Variants in SYT6 observed in about 807,000 individuals in gnomAD.
SYT6 encodes synaptotagmin-6.
A neutral mutation model predicts 38.4 loss-of-function variants in SYT6; 24 were observed. That is an observed-to-expected ratio of 0.62 (90% confidence interval 0.45 to 0.88). The LOEUF (loss-of-function observed/expected upper bound fraction) is 0.88. Among genes scored for constraint, SYT6 ranks in the 40% least tolerant of loss-of-function variants. The pLI is 0.00. For synonymous variants in SYT6, 265 were observed against 241.9 expected (o/e 1.10, Z -0.89); for missense variants, 611 against 621.0 (o/e 0.98, Z 0.17).
rs1371995465 is a variant in SYT6, at chr1:114,089,654, G to A, written c.*2480C>T. ...GGGAAGAGATACTGGGCTAGATAAT[G>A]AAGTTGGCAGATGTTCAGGTTTCAT... is the stretch of plus-strand genomic sequence containing the variant. On this transcript the variant is annotated 3_prime_UTR_variant, in exon 8 of 8. Transcript: ENST00000610222. The A allele has an allele frequency of 6.6e-6, 1 of 152,334 alleles. No homozygotes were observed. Among genetic ancestry groups the A allele is most frequent in the African/African-American group, 2.4e-5 (1 of 41,448 alleles). 9.4% of individuals were successfully genotyped at this position (152,334 alleles called of 1,614,324 possible). A position where few individuals can be genotyped will look rare whatever the true frequency, so the allele number is the denominator to read the frequency against.
intron 3 of SYT6, among the ~76,000 whole-genome samples, chr1:114,130,436 C>G (rs1678079896): frequency 6.6e-6 from 1 of 152,068 alleles, no homozygotes; most frequent in African/African-American, 2.4e-5. Flanking sequence ...TTCTCTTGAT[C>G]TCCTCCTGCT....
At chr1:114,092,203 A>G (rs1223993417) in intron 7 of SYT6, 121 bp from the exon 8 acceptor site, 2 of 969,942 alleles carry the variant, frequency 2.1e-6, no homozygotes, top group Non-Finnish European at 3.0e-6. Flanking sequence ...GCTTTCTTGA[A>G]TTTTGCTGTC....
At chr1:114,093,401 TTA>T in intron 7 of SYT6, among the ~76,000 whole-genome samples, 1 of 152,318 alleles carries the variant, frequency 6.6e-6, no homozygotes, top group East Asian at 1.9e-4. Flanking sequence ...CTGAAGATCT[TTA>T]TGACTAACCA....
chr1:114,135,989 C>A (rs1241569628), intron 3 of SYT6, among the ~76,000 whole-genome samples: 1 of 152,180 alleles, frequency 6.6e-6, no homozygotes, highest in Non-Finnish European at 1.5e-5. Flanking sequence ...GCTGCTGTTC[C>A]AATCCGCCCT....
chr1:114,127,354 A>AGG (rs2101056020), intron 3 of SYT6, among the ~76,000 whole-genome samples: 1 of 152,006 alleles, frequency 6.6e-6, no homozygotes, highest in African/African-American at 2.4e-5. Context: ...CGTGGGATGG[A>AGG]GGGTGGAACC....
At chr1:114,131,503 C>T (rs1678150565) in intron 3 of SYT6, among the ~76,000 whole-genome samples, 1 of 152,200 alleles carries the variant, frequency 6.6e-6, no homozygotes, top group Non-Finnish European at 1.5e-5. Flanking sequence ...TCTTGCAGTG[C>T]AGCAGCTTGC....
At chr1:114,093,460 C>T (rs1402663471) in intron 7 of SYT6, among the ~76,000 whole-genome samples, 1 of 152,176 alleles carries the variant, frequency 6.6e-6, no homozygotes, top group Non-Finnish European at 1.5e-5. Flanking sequence ...GTGACCTAGA[C>T]CTAAGCAATC....
chr1:114,129,611 T>TCTTC (rs1677998007), intron 3 of SYT6, among the ~76,000 whole-genome samples: 1 of 79,510 alleles, frequency 1.3e-5, no homozygotes, highest in Non-Finnish European at 2.9e-5. Context: ...TTTCTTTCTT[T>TCTTC]CTTTCCTTTC....
chr1:114,100,485 A>T (rs1289689434), intron 4 of SYT6, among the ~76,000 whole-genome samples: 1 of 152,224 alleles, frequency 6.6e-6, no homozygotes. Flanking sequence ...GAACTGTGAC[A>T]CCTGATCAGA....
intron 3 of SYT6, among the ~76,000 whole-genome samples, chr1:114,133,659 A>G (rs1678297915): frequency 6.6e-6 from 1 of 151,854 alleles, no homozygotes; most frequent in Admixed American, 6.6e-5. Context: ...GGTGCAGTGA[A>G]CTCCCAAAAT....
chr1:114,104,876 G>A (rs1319697405), intron 3 of SYT6, among the ~76,000 whole-genome samples: 1 of 152,046 alleles, frequency 6.6e-6, no homozygotes, highest in Non-Finnish European at 1.5e-5. Flanking sequence ...TACATATAGA[G>A]GTTTGTAACA....
chr1:114,133,049 G>T (rs1278857371), intron 3 of SYT6, among the ~76,000 whole-genome samples: 1 of 152,006 alleles, frequency 6.6e-6, no homozygotes, highest in Non-Finnish European at 1.5e-5. Flanking sequence ...CTTCCTCCCT[G>T]CATACCCTCA....
intron 3 of SYT6, among the ~76,000 whole-genome samples, chr1:114,121,472 A>T (rs2101040899): frequency 6.6e-6 from 1 of 152,178 alleles, no homozygotes; most frequent in East Asian, 1.9e-4. Flanking sequence ...CTGCATTCAC[A>T]TTGTTTTCTA....
intron 1 of SYT6, among the ~76,000 whole-genome samples, chr1:114,143,336 T>C (rs1004646754): frequency 6.7e-6 from 1 of 149,116 alleles, no homozygotes; most frequent in African/African-American, 2.4e-5. Flanking sequence ...ATAAATTACA[T>C]ATACTTATAT....
At chr1:114,132,412 T>C (rs1571879174) in intron 3 of SYT6, among the ~76,000 whole-genome samples, 1 of 152,262 alleles carries the variant, frequency 6.6e-6, no homozygotes, top group East Asian at 1.9e-4. Flanking sequence ...CCCAGTGGCT[T>C]ATCACTGTGG....
intron 3 of SYT6, among the ~76,000 whole-genome samples, chr1:114,121,904 C>T (rs1224560533): frequency 6.6e-6 from 1 of 152,210 alleles, no homozygotes; most frequent in Non-Finnish European, 1.5e-5. Flanking sequence ...AATTGTATTG[C>T]ACCCTAGTCA....
chr1:114,129,608 C>CTTTCTTTCTTTCTTTCTT (rs1677995786), intron 3 of SYT6, among the ~76,000 whole-genome samples: 1 of 76,100 alleles, frequency 1.3e-5, no homozygotes, highest in African/African-American at 4.6e-5. Context: ...TTCTTTCTTT[C>CTTTCTTTCTTTCTTTCTT]TTTCTTTCCT....
intron 3 of SYT6, among the ~76,000 whole-genome samples, chr1:114,104,770 C>A (rs1313081658): frequency 1.3e-5 from 2 of 151,840 alleles, no homozygotes; most frequent in East Asian, 1.9e-4. Flanking sequence ...TAGGAGAGAA[C>A]AAAACAGACA....
At chr1:114,092,620 G>C (rs965631177) in intron 7 of SYT6, among the ~76,000 whole-genome samples, 25 of 152,124 alleles carry the variant, frequency 1.6e-4, no homozygotes, top group African/African-American at 5.3e-4. Flanking sequence ...CTTGTGGAGA[G>C]GTAGAGGTGT....
Sources: allele counts gnomAD v4.1 joint callset (sites outside exome capture counted in the v4.1 genomes callset), GRCh38; gene constraint gnomAD v4.1.1; transcripts MANE v1.5; gene names NCBI Gene and HGNC (gene_info 2026-07-23, HGNC 2026-07-21).